Variants in NALF1 observed in about 807,000 individuals in gnomAD.
NALF1 encodes NALCN channel auxiliary factor 1.
NALF1 carries 3 observed loss-of-function variants against 48.4 expected under a neutral mutation model. That is an observed-to-expected ratio of 0.06 (90% CI 0.03 to 0.16). The LOEUF is 0.16. NALF1 is among the 10% of genes least tolerant of loss of function. The probability of loss-of-function intolerance (pLI) is 1.00; values close to 1 mark genes in which losing one functional copy is unlikely to be tolerated. For synonymous variants in NALF1, 262 were observed against 245.7 expected, an observed-to-expected ratio of 1.07 and a Z score of -0.62; for missense variants, 526 against 571.5, an observed-to-expected ratio of 0.92 and a Z score of 0.81.
chr13:107,790,294 T>C (rs557727433), intron 1 of NALF1, among the ~76,000 whole-genome samples: 1 of 152,140 alleles, frequency 6.6e-6, no homozygotes, highest in Non-Finnish European at 1.5e-5. Context: ...CAGAAAAAAG[T>C]GGAATAATAC....
intron 1 of NALF1, among the ~76,000 whole-genome samples, chr13:107,408,241 GTAGATTTTAAAA>G (rs1268094786): frequency 1.3e-5 from 2 of 151,898 alleles, no homozygotes; most frequent in African/African-American, 2.4e-5. Context: ...TAATTTAATT[GTAGATTTTAAAA>G]TAGATTTTAA....
chr13:107,843,163 T>C (rs1370007515), intron 1 of NALF1, among the ~76,000 whole-genome samples: 1 of 152,236 alleles, frequency 6.6e-6, no homozygotes, highest in African/African-American at 2.4e-5. Flanking sequence ...AACACTTCTA[T>C]GATACTTAAA....
chr13:107,398,787 G>C (rs1442788419), intron 1 of NALF1, among the ~76,000 whole-genome samples: 1 of 152,130 alleles, frequency 6.6e-6, no homozygotes, highest in African/African-American at 2.4e-5. Context: ...TTGATGGTTA[G>C]GAAAACGTAA....
At chr13:107,701,436 C>T (rs1053559572) in intron 1 of NALF1, among the ~76,000 whole-genome samples, 4 of 151,992 alleles carry the variant, frequency 2.6e-5, no homozygotes, top group African/African-American at 9.7e-5. Context: ...AATCTCACTT[C>T]AATTTGGTAT....
chr13:107,511,591 C>G (rs1279667317), intron 1 of NALF1, among the ~76,000 whole-genome samples: 1 of 152,102 alleles, frequency 6.6e-6, no homozygotes, highest in Non-Finnish European at 1.5e-5. Flanking sequence ...CATGCTTTCT[C>G]ATAACAACAT....
chr13:107,506,868 C>A (rs1875712708), intron 1 of NALF1, among the ~76,000 whole-genome samples: 1 of 150,504 alleles, frequency 6.6e-6, no homozygotes, highest in Admixed American at 6.6e-5. Flanking sequence ...TTTCAATTGA[C>A]TTTTTTTTTA....
intron 1 of NALF1, among the ~76,000 whole-genome samples, chr13:107,473,982 C>A (rs1045630214): frequency 6.6e-6 from 1 of 152,138 alleles, no homozygotes; most frequent in Non-Finnish European, 1.5e-5. Context: ...AGGACATGGT[C>A]TCCCCACAGT....
intron 1 of NALF1, among the ~76,000 whole-genome samples, chr13:107,539,999 A>G (rs1322403313): frequency 6.6e-6 from 1 of 152,026 alleles, no homozygotes; most frequent in Non-Finnish European, 1.5e-5. Flanking sequence ...AAATATCATT[A>G]AAAACAAAAC....
chr13:107,484,690 A>G lies in NALF1; in HGVS notation c.916-273935T>C, dbSNP rs575943119. Among the ~76,000 whole-genome samples, 4 of 152,312 alleles carry G rather than the reference A, an allele frequency of 2.6e-5. No homozygotes were observed. The East Asian group carries it at 5.8e-4, about 22-fold the overall frequency. On this transcript the variant is annotated intron_variant, in intron 1 of 2. Coordinates refer to ENST00000375915, the MANE Select transcript of NALF1 (RefSeq NM_001080396.3). ...TTGGCATTATGCAAAGCAGAGAAAG[A>G]TAAGGAGGAATAAAATCCAGAAGAT... is the stretch of plus-strand genomic sequence containing the variant.
At chr13:107,747,729 T>A (rs1408239010) in intron 1 of NALF1, among the ~76,000 whole-genome samples, 1 of 152,206 alleles carries the variant, frequency 6.6e-6, no homozygotes, top group Non-Finnish European at 1.5e-5. Context: ...AAGAATTGTA[T>A]TTACTCAAGA....
intron 1 of NALF1, among the ~76,000 whole-genome samples, chr13:107,739,691 G>A (rs1157338758): frequency 6.6e-6 from 1 of 152,090 alleles, no homozygotes; most frequent in Non-Finnish European, 1.5e-5. Flanking sequence ...CCCAACCCCA[G>A]GTCCATTAGG....
Position 107,703,285 on chromosome 13 carries a change from C to T in NALF1, c.915+162397G>A, listed in dbSNP as rs113360991. The stretch of plus-strand genomic sequence containing the variant: ...TTTAAATACTTTTTCCTGCTATATC[C>T]AAATAATATGTTTCTTCTTTGAACA... On this transcript the variant is annotated intron_variant, in intron 1 of 2. Coordinates refer to ENST00000375915, the MANE Select transcript of NALF1 (RefSeq NM_001080396.3). Among the ~76,000 whole-genome samples, 984 of 151,880 alleles carry T rather than the reference C, an allele frequency of 6.5e-3. 14 individuals are homozygous for T. The highest frequency in any genetic ancestry group is 0.022 in the African/African-American group (906 of 41,414).
chr13:107,417,223 C>G (rs567970544), intron 1 of NALF1, among the ~76,000 whole-genome samples: 1 of 152,122 alleles, frequency 6.6e-6, no homozygotes, highest in Admixed American at 6.6e-5. Context: ...TTCTGAGCAC[C>G]CTGTTTTATC....
chr13:107,633,069 CT>C (rs1373110291), intron 1 of NALF1, among the ~76,000 whole-genome samples: 1 of 152,004 alleles, frequency 6.6e-6, no homozygotes, highest in Non-Finnish European at 1.5e-5. Context: ...ATTCATGCCC[CT>C]CTTTTTTGTG....
intron 2 of NALF1, among the ~76,000 whole-genome samples, chr13:107,210,145 TA>T (rs1185701598): frequency 6.6e-6 from 1 of 152,020 alleles, no homozygotes; most frequent in Non-Finnish European, 1.5e-5. Context: ...TAAAGTAACA[TA>T]AAAATTCTCA....
chr13:107,164,147 G>T lies in NALF1; in HGVS notation c.*6350C>A, dbSNP rs1219627162. ...GGGAAATAGTCACTGAAGAAAGTCT[G>T]TATTCATAGATCAATGCTCATTACC... On this transcript the variant is annotated 3_prime_UTR_variant, in exon 3 of 3. Coordinates refer to ENST00000375915, the MANE Select transcript of NALF1 (RefSeq NM_001080396.3). 6.6e-6 allele frequency: 1 copy of T among 152,132 alleles called. No individual in the cohort carries two copies. The highest frequency in any genetic ancestry group is 2.4e-5 in the African/African-American group (1 of 41,424). 9.4% of individuals were successfully genotyped at this position (152,132 alleles called of 1,614,324 possible).
intron 1 of NALF1, among the ~76,000 whole-genome samples, chr13:107,611,110 T>C (rs1443479979): frequency 6.6e-6 from 1 of 152,190 alleles, no homozygotes; most frequent in Admixed American, 6.5e-5. Flanking sequence ...TGTGATACTT[T>C]GTGTAATTAT....
intron 1 of NALF1, among the ~76,000 whole-genome samples, chr13:107,806,398 G>GA (rs535622649): frequency 2.6e-5 from 4 of 151,476 alleles, no homozygotes; most frequent in East Asian, 1.9e-4. Flanking sequence ...AAGAACCCCA[G>GA]AAAAAAAATG....
chr13:107,760,771 T>G (rs907415357), intron 1 of NALF1, among the ~76,000 whole-genome samples: 2 of 152,184 alleles, frequency 1.3e-5, no homozygotes, highest in African/African-American at 4.8e-5. Flanking sequence ...CCTCTGAAAT[T>G]TGTGCTCTTC....
Sources: gnomAD v4.1 joint callset for allele counts (sites outside exome capture counted in the v4.1 genomes callset) on GRCh38, gnomAD v4.1.1 for gene constraint, MANE v1.5 for transcripts, NCBI Gene and HGNC (gene_info 2026-07-23, HGNC 2026-07-21) for gene names.